The following TUSC3 variants were observed in gnomAD, a reference collection of about 807,000 sequenced individuals.
TUSC3 encodes the protein dolichyl-diphosphooligosaccharide--protein glycosyltransferase subunit TUSC3.
In TUSC3, 45 loss-of-function variants were observed where a neutral mutation model predicts 44.8. The observed-to-expected ratio is 1.00, with a 90% CI of 0.79 to 1.29. The LOEUF is 1.29. Ranked by LOEUF, TUSC3 falls within the 50% of genes most tolerant of loss-of-function variation. The probability of loss-of-function intolerance (pLI) is 0.00; values close to 1 mark genes in which losing one functional copy is unlikely to be tolerated. For missense variants in TUSC3, 519 were observed against 437.9 expected (o/e 1.19, Z -1.65); for synonymous variants, 212 against 152.9 (o/e 1.39, Z -2.85).
chr8:15,564,301 C>A (rs531927942), intron 1 of TUSC3, among the ~76,000 whole-genome samples: 1 of 151,738 alleles, frequency 6.6e-6, no homozygotes, highest in East Asian at 1.9e-4. Context: ...TCTCTAACAG[C>A]TAAAATAAAA....
At chr8:15,668,245 G>A (rs1807768814) in intron 5 of TUSC3, among the ~76,000 whole-genome samples, 1 of 151,642 alleles carries the variant, frequency 6.6e-6, no homozygotes, top group South Asian at 2.1e-4. Flanking sequence ...TTAAGACATG[G>A]TTGTTTTTTT....
the TUSC3 span, among the ~76,000 whole-genome samples, chr8:15,817,961 G>A: frequency 1.3e-5 from 2 of 152,074 alleles, no homozygotes; most frequent in Non-Finnish European, 2.9e-5. Context: ...GACTTATACC[G>A]GTGACTCTAG....
At chr8:15,747,398 A>G (rs551446258) in intron 8 of TUSC3, among the ~76,000 whole-genome samples, 6 of 151,906 alleles carry the variant, frequency 3.9e-5, no homozygotes, top group Non-Finnish European at 7.4e-5. Flanking sequence ...AGATGTTTAG[A>G]TATTTCTTAA....
chr8:15,659,197 T>A (rs2129178891), intron 3 of TUSC3, among the ~76,000 whole-genome samples: 1 of 152,018 alleles, frequency 6.6e-6, no homozygotes, highest in African/African-American at 2.4e-5. Flanking sequence ...TTTCAGTCAC[T>A]TTTTTTTACC....
intron 2 of TUSC3, among the ~76,000 whole-genome samples, chr8:15,634,276 C>G (rs1805963171): frequency 6.6e-6 from 1 of 152,162 alleles, no homozygotes; most frequent in African/African-American, 2.4e-5. Flanking sequence ...AGTGTAGCCT[C>G]TTGGCTGGCT....
chr8:15,517,165 T>C (rs552900348), intron 2 of TUSC3, among the ~76,000 whole-genome samples: 10 of 152,288 alleles, frequency 6.6e-5, no homozygotes, highest in East Asian at 3.9e-4. Flanking sequence ...CAGTTGTCAC[T>C]TGAGATTACA....
chr8:15,571,891 A>G (rs1242986311), intron 1 of TUSC3, among the ~76,000 whole-genome samples: 1 of 152,122 alleles, frequency 6.6e-6, no homozygotes, highest in East Asian at 1.9e-4. Flanking sequence ...GTAGGTCTTA[A>G]TACTGGGCTT....
the TUSC3 span, among the ~76,000 whole-genome samples, chr8:15,847,701 G>C: frequency 6.6e-6 from 1 of 152,088 alleles, no homozygotes; most frequent in Non-Finnish European, 1.5e-5. Context: ...GTTCATGGTA[G>C]TAAAACTCCG....
the TUSC3 span, among the ~76,000 whole-genome samples, chr8:15,803,660 G>A: frequency 6.6e-6 from 1 of 152,114 alleles, no homozygotes; most frequent in Non-Finnish European, 1.5e-5. Context: ...CTGTCATGTA[G>A]GTTTTAAGCC....
rs1809847603 is a variant in TUSC3 at position 15,711,462 on chromosome 8, A to ATG, written c.799-19204_799-19203insTG. On this transcript the variant is annotated intron_variant, in intron 6 of 10. Coordinates refer to ENST00000503731, the MANE Select transcript of TUSC3 (RefSeq NM_006765.4). ...CCAGGTTTTAGAAAAACAAAAAGGT[A>ATG]CGTGTGTGTGTGTGTGTGTGTGTGT... Among the ~76,000 whole-genome samples, 4 of 74,804 alleles carry ATG rather than the reference A, an allele frequency of 5.3e-5. No individual in the cohort carries two copies. In the Admixed American group the frequency reaches 6.1e-4, roughly 11 times the overall value. 49.1% of individuals were successfully genotyped at this position (74,804 alleles called of 152,430 possible).
At chr8:15,548,425 C>T (rs1801947954) in intron 1 of TUSC3, among the ~76,000 whole-genome samples, 1 of 151,804 alleles carries the variant, frequency 6.6e-6, no homozygotes, top group Non-Finnish European at 1.5e-5. Flanking sequence ...AAGTTTCCTT[C>T]TTCTTTACAG....
intron 3 of TUSC3, among the ~76,000 whole-genome samples, chr8:15,654,592 ATT>A (rs1807072813): frequency 6.6e-6 from 1 of 152,124 alleles, no homozygotes; most frequent in African/African-American, 2.4e-5. Context: ...TGAAAATAAT[ATT>A]GTTAAAGCCC....
the TUSC3 span, among the ~76,000 whole-genome samples, chr8:15,829,968 G>A: frequency 6.6e-6 from 1 of 151,726 alleles, no homozygotes. Flanking sequence ...TTTTTTTCTG[G>A]CTTTTTAATA....
chr8:15,459,843 T>C (rs1800319596), intron 1 of TUSC3, among the ~76,000 whole-genome samples: 1 of 148,660 alleles, frequency 6.7e-6, no homozygotes, highest in Admixed American at 6.6e-5. Context: ...TGTGTGTGTG[T>C]GTGTGTGTGT....
chr8:15,689,203 A>G, intron 6 of TUSC3: 1 of 364,886 alleles, frequency 2.7e-6, no homozygotes. Flanking sequence ...GCTGCTAAGC[A>G]TTCCATTTTC....
At chr8:15,686,113 C>A (rs1489151457) in intron 6 of TUSC3, among the ~76,000 whole-genome samples, 3 of 151,888 alleles carry the variant, frequency 2.0e-5, no homozygotes, top group African/African-American at 7.3e-5. Context: ...TACTAATGGT[C>A]CACTTAACAG....
the TUSC3 span, among the ~76,000 whole-genome samples, chr8:15,850,779 C>T: frequency 0.017 from 2,630 of 152,128 alleles, 64 homozygotes; most frequent in African/African-American, 0.059. Flanking sequence ...ACATTGAAAC[C>T]AAAAAAATGA....
intron 2 of TUSC3, among the ~76,000 whole-genome samples, chr8:15,530,360 T>G (rs536601576): frequency 1.1e-4 from 16 of 152,294 alleles, no homozygotes; most frequent in Middle Eastern, 3.4e-3. Context: ...ATGTGTGAAA[T>G]TTGGTTAAAT....
At chr8:15,547,945 T>C (rs1345617479) in intron 1 of TUSC3, among the ~76,000 whole-genome samples, 2 of 151,776 alleles carry the variant, frequency 1.3e-5, no homozygotes, top group Admixed American at 6.6e-5. Flanking sequence ...ATTCACTTTA[T>C]TTTTAACTTT....
Sources: gnomAD v4.1 joint callset for allele counts (sites outside exome capture counted in the v4.1 genomes callset) on GRCh38, gnomAD v4.1.1 for gene constraint, MANE v1.5 for transcripts, NCBI Gene and HGNC (gene_info 2026-07-23, HGNC 2026-07-21) for gene names.